The following SPARCL1 variants were observed in gnomAD, a reference collection of about 807,000 sequenced individuals.
SPARCL1 encodes SPARC like 1, also known as SPARC-like protein 1.
Under a neutral mutation model 67.1 loss-of-function variants are expected in SPARCL1, and 52 were observed. The observed-to-expected ratio is 0.78, with a 90% CI of 0.62 to 0.98. The LOEUF is 0.98. Ranked by LOEUF, SPARCL1 falls within the 50% of genes least tolerant of loss-of-function variation. The probability of loss-of-function intolerance (pLI) is 0.00; values close to 1 mark genes in which losing one functional copy is unlikely to be tolerated. For missense variants in SPARCL1, 717 were observed against 782.4 expected, an observed-to-expected ratio of 0.92 and a Z score of 1.00; for synonymous variants, 226 against 267.8, an observed-to-expected ratio of 0.84 and a Z score of 1.52.
chr4:87,490,094 T>C (rs962055697), intron 7 of SPARCL1, among the ~76,000 whole-genome samples, 179 bp downstream of exon 7: 1 of 152,210 alleles, frequency 6.6e-6, no homozygotes, highest in African/African-American at 2.4e-5. Context: ...TTCAGTTAAA[T>C]CAGAATCTCC....
intron 1 of SPARCL1, among the ~76,000 whole-genome samples, chr4:87,506,782 CATCTATCT>C (rs11412640): frequency 0.078 from 7,344 of 93,704 alleles, 195 homozygotes; most frequent in Middle Eastern, 0.13. Flanking sequence ...ATCTATCTAT[CATCTATCT>C]ATCTATCTAT....
intron 1 of SPARCL1, among the ~76,000 whole-genome samples, chr4:87,503,671 T>G (rs917561664): frequency 1.6e-5 from 2 of 121,346 alleles, no homozygotes; most frequent in Non-Finnish European, 3.2e-5. Context: ...GCAAATGAAG[T>G]TTTTTTTTTT....
At chr4:87,486,595 A>G (rs1724067407) in intron 7 of SPARCL1, among the ~76,000 whole-genome samples, 1 of 152,170 alleles carries the variant, frequency 6.6e-6, no homozygotes, top group Admixed American at 6.5e-5. Flanking sequence ...TCCAGAGCTG[A>G]GTTCAAGTCC....
At chr4:87,480,820 CTT>C (rs1553967987) in intron 8 of SPARCL1, among the ~76,000 whole-genome samples, 50 of 133,264 alleles carry the variant, frequency 3.8e-4, no homozygotes, top group Non-Finnish European at 3.8e-4. Flanking sequence ...ATGTTCGCTG[CTT>C]TTTTTTTTTT....
intron 1 of SPARCL1, among the ~76,000 whole-genome samples, chr4:87,520,004 C>T (rs574542755): frequency 3.6e-4 from 55 of 152,150 alleles, no homozygotes; most frequent in East Asian, 7.7e-4. Context: ...CTTTGGGAGG[C>T]CGAGGTGGGT....
intron 7 of SPARCL1, among the ~76,000 whole-genome samples, chr4:87,488,934 TC>T (rs60614311): frequency 0.25 from 38,377 of 151,812 alleles, 8,212 homozygotes; most frequent in African/African-American, 0.59. Context: ...TGGATGCCCC[TC>T]CCCCCCACCA....
At chr4:87,512,389 C>T (rs1725401283) in intron 1 of SPARCL1, among the ~76,000 whole-genome samples, 1 of 152,168 alleles carries the variant, frequency 6.6e-6, no homozygotes, top group Admixed American at 6.5e-5. Context: ...AACTTCTGGG[C>T]TTCATTTCCC....
At chr4:87,492,049 T>C (rs1724370181) in intron 4 of SPARCL1, among the ~76,000 whole-genome samples, 2 of 149,006 alleles carry the variant, frequency 1.3e-5, no homozygotes, top group East Asian at 4.0e-4. Flanking sequence ...GCCCAGGAGG[T>C]TGAGGTTGCA....
rs13051 is a variant in SPARCL1 at position 87,495,036 on chromosome 4, G to T, written c.146C>A (p.Ala49Asp). The T allele has an allele frequency of 0.4, 648,566 of 1,608,716 alleles. 140,871 individuals are homozygous for T. Among genetic ancestry groups the T allele is most frequent in the African/African-American group, 0.81 (60,769 of 74,850 alleles). Reference sequence around the variant, plus strand: ...TGCTGTTTCTTTTTCATTTTCTTCAGCTTCAGCCCTTAAACTGGGGATTGC... The same window carrying T: ...TGCTGTTTCTTTTTCATTTTCTTCATCTTCAGCCCTTAAACTGGGGATTGC... ...NTAIPSLRAE[A>D]EENEKETAVS... The change falls in exon 3 of 11, where the codon GCT becomes GAT. Residue 49 changes from alanine (A) to aspartate (D), a missense_variant. Coordinates refer to ENST00000282470, the MANE Select transcript of SPARCL1 (RefSeq NM_004684.6).
rs1724880564 is a variant in SPARCL1 at position 87,502,169 on chromosome 4, T to C, written c.-11-2584A>G. 2.0e-5 allele frequency among the ~76,000 whole-genome samples: 3 copies of C among 152,270 alleles called. No homozygotes were observed. In the South Asian group the frequency reaches 6.2e-4, roughly 32 times the overall value. ...TTTCTTTTTTAATTTTATTTTTAAATTGACAAATAACAATTATACATATTC... is the reference window on the plus strand; with the variant it reads ...TTTCTTTTTTAATTTTATTTTTAAACTGACAAATAACAATTATACATATTC... On this transcript the variant is annotated intron_variant, in intron 1 of 10. Transcript: ENST00000282470.
intron 2 of SPARCL1, among the ~76,000 whole-genome samples, chr4:87,495,516 G>C (rs914149300): frequency 6.6e-6 from 1 of 152,148 alleles, no homozygotes; most frequent in Non-Finnish European, 1.5e-5. Context: ...ATAGGATATA[G>C]TATTGTACAT....
At chr4:87,492,519 G>T (rs1444464445) in intron 4 of SPARCL1, among the ~76,000 whole-genome samples, 4 of 152,188 alleles carry the variant, frequency 2.6e-5, no homozygotes, top group African/African-American at 9.7e-5. Context: ...TTATCAGTGA[G>T]ATTTAGTGCG....
At chr4:87,478,975 A>T (rs941488746) in intron 10 of SPARCL1, among the ~76,000 whole-genome samples, 5 of 152,192 alleles carry the variant, frequency 3.3e-5, no homozygotes, top group Non-Finnish European at 5.9e-5. Flanking sequence ...ATTGTGATGT[A>T]AAATCCAGTC....
chr4:87,486,888 C>CTTTTTTTTTTTTTTTT lies in SPARCL1; in HGVS notation c.1531+3369_1531+3384dup, dbSNP rs57597004. ...TCTGAGGCTAGTATTGCAATTCCTG[C>CTTTTTTTTTTTTTTTT]TTTTTTTTTTTTTTTTTTTTTTTTT... On this transcript the variant is annotated intron_variant, in intron 7 of 10. Transcript: ENST00000282470. Among the ~76,000 whole-genome samples the CTTTTTTTTTTTTTTTT allele has an allele frequency of 5.4e-4, 15 of 28,000 alleles. 6 individuals carry two copies. The highest frequency in any genetic ancestry group is 7.9e-4 in the African/African-American group (6 of 7,618). 18.4% of individuals were successfully genotyped at this position (28,000 alleles called of 152,430 possible).
At chr4:87,518,307 C>T (rs1251516899) in intron 1 of SPARCL1, among the ~76,000 whole-genome samples, 3 of 152,286 alleles carry the variant, frequency 2.0e-5, no homozygotes, top group African/African-American at 7.2e-5. Flanking sequence ...AAAGACTTTT[C>T]CCCTCAAGCC....
chr4:87,495,196 CTTG>C (rs1291333661), intron 2 of SPARCL1, 69 bp from the exon 3 acceptor site: 16 of 1,322,730 alleles, frequency 1.2e-5, no homozygotes, highest in African/African-American at 1.5e-5. Flanking sequence ...GCTAGTTACT[CTTG>C]TTGTCATCAT....
At chr4:87,491,985 G>A (rs1162730138) in intron 4 of SPARCL1, among the ~76,000 whole-genome samples, 4 of 142,830 alleles carry the variant, frequency 2.8e-5, no homozygotes, top group African/African-American at 1.0e-4. Flanking sequence ...GGGCATGATG[G>A]TGCATGCCTG....
At chr4:87,526,000 T>A (rs1353936465) in intron 1 of SPARCL1, among the ~76,000 whole-genome samples, 2 of 152,024 alleles carry the variant, frequency 1.3e-5, no homozygotes, top group East Asian at 3.9e-4. Context: ...GGAAAAAATA[T>A]CCCCTGGAGC....
chr4:87,506,590 AC>A (rs1725081711), intron 1 of SPARCL1, among the ~76,000 whole-genome samples: 1 of 152,086 alleles, frequency 6.6e-6, no homozygotes, highest in Non-Finnish European at 1.5e-5. Context: ...GGGACTTAAC[AC>A]CATCAGCCCT....
Sources: gnomAD v4.1 joint callset for allele counts (sites outside exome capture counted in the v4.1 genomes callset) on GRCh38, gnomAD v4.1.1 for gene constraint, MANE v1.5 for transcripts, NCBI Gene and HGNC (gene_info 2026-07-23, HGNC 2026-07-21) for gene names.